Variants in DCHS2 observed in about 807,000 individuals in gnomAD.
DCHS2 encodes the protein protocadherin-23.
In DCHS2, 142 loss-of-function variants were observed where a neutral mutation model predicts 182.4. The observed-to-expected ratio is 0.78, with a 90% CI of 0.68 to 0.89. The LOEUF (loss-of-function observed/expected upper bound fraction) is 0.89. Among genes scored for constraint, DCHS2 ranks in the 40% least tolerant of loss-of-function variants. DCHS2 has a pLI of 0.00. For missense variants in DCHS2, 4,319 were observed against 4,198.6 expected, an observed-to-expected ratio of 1.03 and a Z score of -0.79; for synonymous variants, 1,740 against 1,663.3, an observed-to-expected ratio of 1.05 and a Z score of -1.12.
chr4:154,329,677 T>C lies in DCHS2; in HGVS notation c.3764A>G (p.Glu1255Gly), dbSNP rs1426333724. The change falls in exon 6 of 20, where the codon GAG (glutamate) becomes GGG (glycine). Residue 1255 changes from glutamate (E) to glycine (G), a missense_variant. Coordinates refer to ENST00000357232, the MANE Select transcript of DCHS2 (RefSeq NM_001358235.2). ...AGTCATCTCATGGTGCCCCCGGTGC[T>C]CACGATCCAGTGCCACCCAATTGAT... ...ELINWVALDR[E>G]HRGHHEMTVL... is the part of the protein sequence containing the mutation. 6.2e-7 allele frequency: 1 copy of C among 1,612,102 alleles called. No homozygotes were observed. Among genetic ancestry groups the C allele is most frequent in the East Asian group, 2.2e-5 (1 of 44,864 alleles).
intron 19 of DCHS2, among the ~76,000 whole-genome samples, chr4:154,238,157 G>C (rs1485622765): frequency 6.9e-5 from 8 of 116,552 alleles, no homozygotes; most frequent in Non-Finnish European, 8.0e-5. Context: ...GAGAAAAGAC[G>C]GTGGGGGGGT....
At chr4:154,438,772 A>T (rs937490939) in intron 1 of DCHS2, among the ~76,000 whole-genome samples, 1 of 152,212 alleles carries the variant, frequency 6.6e-6, no homozygotes, top group African/African-American at 2.4e-5. Flanking sequence ...AATCATTTTT[A>T]AATTTTTTTC....
At chr4:154,412,945 A>C (rs150571444) in intron 1 of DCHS2, among the ~76,000 whole-genome samples, 1 of 152,234 alleles carries the variant, frequency 6.6e-6, no homozygotes, top group Non-Finnish European at 1.5e-5. Context: ...GTTGAAAAGC[A>C]CAGAAGTAAG....
chr4:154,351,899 T>C (rs924773000), intron 3 of DCHS2, among the ~76,000 whole-genome samples: 6 of 152,180 alleles, frequency 3.9e-5, no homozygotes, highest in South Asian at 2.1e-4. Context: ...GGCCCAGGGG[T>C]TGGGAACCCC....
At position 154,333,434 on chromosome 4, in the gene DCHS2, A is replaced by C. The variant is rs372987992; in HGVS notation, c.2774T>G (p.Ile925Ser). Residue 925 changes from isoleucine (I) to serine (S), a missense_variant, in exon 5 of 20, where the codon ATT (isoleucine) becomes AGT (serine). By Grantham distance (142) the Ile-to-Ser change is moderately radical. Coordinates refer to ENST00000357232, the MANE Select transcript of DCHS2 (RefSeq NM_001358235.2). ...GCGAATAGTGCCCAGCCGCGGGTGAATGGAGAACTTTCCGCCGAGATCACC... is the reference window on the plus strand; with the variant it reads ...GCGAATAGTGCCCAGCCGCGGGTGACTGGAGAACTTTCCGCCGAGATCACC... ...SSGDLGGKFS[I>S]HPRLGTIRTR... 5 of 1,613,932 alleles carry C rather than the reference A, an allele frequency of 3.1e-6. No individual in the cohort carries two copies. The highest frequency in any genetic ancestry group is 4.2e-6 in the Non-Finnish European group (5 of 1,180,022).
At chr4:154,238,259 C>CA (rs1731632588) in intron 19 of DCHS2, among the ~76,000 whole-genome samples, 1 of 152,178 alleles carries the variant, frequency 6.6e-6, no homozygotes, top group Admixed American at 6.5e-5. Flanking sequence ...CAGCATGATA[C>CA]AGGACGTACT....
At position 154,491,004 on chromosome 4, in the gene DCHS2, C is replaced by G. The variant is rs1422770065; in HGVS notation, c.352G>C (p.Val118Leu). The change falls in exon 1 of 20, where the codon GTG becomes CTG. Residue 118 changes from valine (V) to leucine (L), a missense_variant. Transcript: ENST00000357232. ...DDSPLLDDFHVHPDTGIIRTA... is the reference protein window; with the variant it reads ...DDSPLLDDFHLHPDTGIIRTA... Reference sequence around the variant, plus strand: ...CGGATGATGCCGGTGTCCGGGTGCACGTGGAAGTCGTCCAGCAGCGGGGAG... The same window carrying G: ...CGGATGATGCCGGTGTCCGGGTGCAGGTGGAAGTCGTCCAGCAGCGGGGAG... 6.4e-7 allele frequency: 1 copy of G among 1,550,586 alleles called. No individual in the cohort carries two copies.
intron 1 of DCHS2, among the ~76,000 whole-genome samples, chr4:154,447,577 C>T (rs1734354799): frequency 1.3e-5 from 2 of 152,098 alleles, no homozygotes; most frequent in South Asian, 2.1e-4. Context: ...TTTGGATTCT[C>T]CATACTGAAT....
intron 1 of DCHS2, among the ~76,000 whole-genome samples, chr4:154,479,791 T>C (rs1735848811): frequency 6.6e-6 from 1 of 152,196 alleles, no homozygotes; most frequent in Non-Finnish European, 1.5e-5. Context: ...AACATTAATT[T>C]ATAAATTGGC....
chr4:154,389,536 A>ATATATATATATAT (rs1485000004), intron 1 of DCHS2, among the ~76,000 whole-genome samples: 21 of 144,446 alleles, frequency 1.5e-4, no homozygotes, highest in South Asian at 4.5e-4. Flanking sequence ...ATATATATAT[A>ATATATATATATAT]ACCTTTTTTT....
chr4:154,409,076 G>A (rs774084050), intron 1 of DCHS2, among the ~76,000 whole-genome samples: 4 of 152,160 alleles, frequency 2.6e-5, no homozygotes, highest in Non-Finnish European at 4.4e-5. Flanking sequence ...AAGCTGACGT[G>A]GAGCCCCATG....
At position 154,242,624 on chromosome 4, in the gene DCHS2, C is replaced by T. The variant is rs781353291; in HGVS notation, c.7072+18G>A. ...ATACAAGTTAATCAAAACCACTATGCCAAATTGTCACACTTACCTTCTGTA... is the reference window on the plus strand; with the variant it reads ...ATACAAGTTAATCAAAACCACTATGTCAAATTGTCACACTTACCTTCTGTA... On this transcript the variant is annotated intron_variant, in intron 17 of 19. Coordinates refer to ENST00000357232, the MANE Select transcript of DCHS2 (RefSeq NM_001358235.2). 4 of 1,602,690 alleles carry T rather than the reference C, an allele frequency of 2.5e-6. No individual in the cohort carries two copies. The highest frequency in any genetic ancestry group is 2.3e-5 in the South Asian group (2 of 88,720).
At chr4:154,374,237 C>T (rs990300878) in intron 2 of DCHS2, 1 of 383,322 alleles carries the variant, frequency 2.6e-6, no homozygotes, top group Non-Finnish European at 4.7e-6. Context: ...CTGCATCTGG[C>T]CACCAAAACC....
chr4:154,476,636 T>C (rs1452973178), intron 1 of DCHS2, among the ~76,000 whole-genome samples: 9 of 152,338 alleles, frequency 5.9e-5, no homozygotes, highest in Middle Eastern at 3.4e-3. Context: ...ACTTTTATTA[T>C]GTGCCAAGTA....
At chr4:154,254,019 C>T (rs896015342) in intron 16 of DCHS2, among the ~76,000 whole-genome samples, 1 of 152,186 alleles carries the variant, frequency 6.6e-6, no homozygotes, top group African/African-American at 2.4e-5. Context: ...AGTGCAAGTT[C>T]ACTTTTGAAC....
Position 154,335,674 on chromosome 4 carries a change from T to TAC in DCHS2, c.2477-572_2477-571dup, listed in dbSNP as rs35036974. Among the ~76,000 whole-genome samples the TAC allele has an allele frequency of 8.9e-3, 1,339 of 151,020 alleles. 20 individuals carry two copies. Among genetic ancestry groups the TAC allele is most frequent in the African/African-American group, 0.029 (1,197 of 41,304 alleles). ...TCCTTGTGATCAGTCTCCTCATACATACACACACACACACACATACATCCT... is the reference window on the plus strand; with the variant it reads ...TCCTTGTGATCAGTCTCCTCATACATACACACACACACACACACATACATCCT... On this transcript the variant is annotated intron_variant, in intron 3 of 19. Transcript: ENST00000357232.
rs70947163 is a variant in DCHS2 at position 154,417,204 on chromosome 4, TGAGAGAGAGA to T, written c.2053-39770_2053-39761del. On this transcript the variant is annotated intron_variant, in intron 1 of 19. Coordinates refer to ENST00000357232, the MANE Select transcript of DCHS2 (RefSeq NM_001358235.2). Reference sequence around the variant, plus strand: ...GTGTGTGTGTGTGTGTGTGTGTGTGTGAGAGAGAGAGAGAGAGAGAGAGAGAGAGAGAGAG... The same window carrying T: ...GTGTGTGTGTGTGTGTGTGTGTGTGTGAGAGAGAGAGAGAGAGAGAGAGAG... Among the ~76,000 whole-genome samples, 225 of 39,434 alleles carry T rather than the reference TGAGAGAGAGA, an allele frequency of 5.7e-3. 2 individuals are homozygous for T. The highest frequency in any genetic ancestry group is 0.011 in the African/African-American group (116 of 10,608). The allele number at this position is 39,434 out of a possible 152,430, so 25.9% of individuals were successfully genotyped here.
chr4:154,249,259 A>C (rs1302223931), intron 16 of DCHS2, among the ~76,000 whole-genome samples: 1 of 152,208 alleles, frequency 6.6e-6, no homozygotes, highest in Non-Finnish European at 1.5e-5. Context: ...TAATCCCATT[A>C]AAAATTGGGC....
At chr4:154,487,950 G>T (rs1212617992) in intron 1 of DCHS2, among the ~76,000 whole-genome samples, 3 of 152,216 alleles carry the variant, frequency 2.0e-5, no homozygotes, top group African/African-American at 7.2e-5. Context: ...GGCTGAGGCG[G>T]GAGTATCATT....
Sources: allele counts gnomAD v4.1 joint callset (sites outside exome capture counted in the v4.1 genomes callset), GRCh38; gene constraint gnomAD v4.1.1; transcripts MANE v1.5; gene names NCBI Gene and HGNC (gene_info 2026-07-23, HGNC 2026-07-21).